CXXC5: variants seen among roughly 807,000 people sequenced by gnomAD.
The protein encoded by CXXC5 is CXXC finger protein 5.
CXXC5 carries 2 observed loss-of-function variants against 17.6 expected under a neutral mutation model. The ratio of observed to expected loss-of-function variants is 0.11; its 90% CI spans 0.05 to 0.36. The LOEUF is 0.36. Ranked by LOEUF, CXXC5 falls within the 10% of genes least tolerant of loss-of-function variation. The probability of loss-of-function intolerance (pLI) is 1.00; values close to 1 mark genes in which losing one functional copy is unlikely to be tolerated. For synonymous variants in CXXC5, 171 were observed against 193.0 expected, an observed-to-expected ratio of 0.89 and a Z score of 0.94; for missense variants, 343 against 458.3, an observed-to-expected ratio of 0.75 and a Z score of 2.30.
chr5:139,675,922 G>C (rs1430436369), intron 1 of CXXC5, among the ~76,000 whole-genome samples: 1 of 152,046 alleles, frequency 6.6e-6, no homozygotes, highest in Non-Finnish European at 1.5e-5. Context: ...CTAGAAGGGG[G>C]CAGGCTCCGT....
At position 139,658,292 on chromosome 5, in the gene CXXC5, A is replaced by C. The variant is rs1462001730; in HGVS notation, c.-161+9447A>C. On this transcript the variant is annotated intron_variant, in intron 1 of 2. Transcript: ENST00000302517. This position sits in a 1 kb window ranked among gnomAD's most constrained non-coding sequence, Gnocchi z 4.1. Reference sequence around the variant, plus strand: ...ATGCTTGGAATGGAGGCATTTTTCAAGTCAGGATTCTCGTTGGGATTCTGG... The same window carrying C: ...ATGCTTGGAATGGAGGCATTTTTCACGTCAGGATTCTCGTTGGGATTCTGG... 6.6e-6 allele frequency among the ~76,000 whole-genome samples: 1 copy of C among 152,200 alleles called. No homozygotes were observed. Among genetic ancestry groups the C allele is most frequent in the Non-Finnish European group, 1.5e-5 (1 of 68,032 alleles).
Position 139,681,262 on chromosome 5 carries a change from G to C in CXXC5, c.739G>C (p.Gly247Arg). 1.9e-6 allele frequency: 3 copies of C among 1,612,546 alleles called. No homozygotes were observed. Among genetic ancestry groups the C allele is most frequent in the Non-Finnish European group, 2.5e-6 (3 of 1,179,816 alleles). ...MAGLAEYPMQ[G>R]ELASAISSGK... ...GGGCCTGGCTGAGTACCCCATGCAG[G>C]GAGAGCTGGCCTCTGCCATCAGCTC... Residue 247 changes from glycine (G) to arginine (R), a missense_variant, in exon 2 of 3, where the codon GGA becomes CGA. By Grantham distance (125) the Gly-to-Arg change is moderately radical. Coordinates refer to ENST00000302517, the MANE Select transcript of CXXC5 (RefSeq NM_016463.9).
In CXXC5 at chr5:139,661,494, C is replaced by T. The variant is rs193253140; in HGVS notation, c.-161+12649C>T. ...TCCCATGTGGTGCTCCAGAAGCACA[C>T]TCACGGTTCCAGCCACAGCCCAGCC... On this transcript the variant is annotated intron_variant, in intron 1 of 2. Transcript: ENST00000302517. This position sits in a 1 kb window ranked among gnomAD's most constrained non-coding sequence, Gnocchi z 4.7. Among the ~76,000 whole-genome samples the T allele has an allele frequency of 1.7e-4, 26 of 152,326 alleles. No homozygotes were observed. Among genetic ancestry groups the T allele is most frequent in the Admixed American group, 1.6e-3 (24 of 15,312 alleles).
In CXXC5 at chr5:139,671,372, G is replaced by T. The variant is rs373973065; in HGVS notation, c.-160-8992G>T. ...ACTCCAGGCCCCCAGGGTCTCTAGA[G>T]TGGCCCTGGCCATCCCCTCTCTTCC... is the stretch of plus-strand genomic sequence containing the variant. On this transcript the variant is annotated intron_variant, in intron 1 of 2. Transcript: ENST00000302517. 5.9e-5 allele frequency among the ~76,000 whole-genome samples: 9 copies of T among 152,304 alleles called. No individual in the cohort carries two copies. In the South Asian group the frequency reaches 1.9e-3, roughly 32 times the overall value.
At chr5:139,673,659 T>C (rs1272221359) in intron 1 of CXXC5, among the ~76,000 whole-genome samples, 2 of 151,944 alleles carry the variant, frequency 1.3e-5, no homozygotes, top group Non-Finnish European at 2.9e-5. Context: ...CTGACCAACA[T>C]GGTGAAACTC....
chr5:139,681,953 G>A (rs1757261582), intron 2 of CXXC5, among the ~76,000 whole-genome samples: 1 of 152,218 alleles, frequency 6.6e-6, no homozygotes, highest in Non-Finnish European at 1.5e-5. Context: ...TTCCAGTGCT[G>A]GGTGCCCTGC....
intron 1 of CXXC5, among the ~76,000 whole-genome samples, chr5:139,653,548 A>G (rs1755323835): frequency 6.6e-6 from 1 of 152,136 alleles, no homozygotes; most frequent in South Asian, 2.1e-4. Flanking sequence ...GAGGATTCCC[A>G]GGAAAACTTC....
intron 1 of CXXC5, among the ~76,000 whole-genome samples, chr5:139,669,160 A>G (rs1247917562): frequency 6.6e-6 from 1 of 152,200 alleles, no homozygotes; most frequent in Non-Finnish European, 1.5e-5. Context: ...TTATATTAGC[A>G]GGTGGGATTT....
At chr5:139,677,594 C>G (rs601324) in intron 1 of CXXC5, among the ~76,000 whole-genome samples, 50,496 of 152,094 alleles carry the variant, frequency 0.33, 8,749 homozygotes, top group Middle Eastern at 0.45. Flanking sequence ...CGTGTACCCA[C>G]CTCCCTTCAA....
intron 1 of CXXC5, among the ~76,000 whole-genome samples, chr5:139,677,908 G>T (rs576692319): frequency 6.6e-6 from 1 of 152,240 alleles, no homozygotes; most frequent in Non-Finnish European, 1.5e-5. Context: ...TGCCCGCCCC[G>T]CACGCAGAGC....
At chr5:139,673,786 G>A (rs561671739) in intron 1 of CXXC5, among the ~76,000 whole-genome samples, 94 of 151,146 alleles carry the variant, frequency 6.2e-4, no homozygotes, top group African/African-American at 2.1e-3. Flanking sequence ...AGGTTGTGGT[G>A]AGCTGAGATC....
At chr5:139,662,471 G>A (rs1755876115) in intron 1 of CXXC5, among the ~76,000 whole-genome samples, 2 of 152,294 alleles carry the variant, frequency 1.3e-5, no homozygotes, top group East Asian at 1.9e-4. Flanking sequence ...TGAGAGAAGT[G>A]AGTCTGATGG....
Position 139,663,249 on chromosome 5 carries a change from C to G in CXXC5, c.-161+14404C>G, listed in dbSNP as rs552980769. 5.3e-5 allele frequency among the ~76,000 whole-genome samples: 8 copies of G among 152,302 alleles called. No individual in the cohort carries two copies. In the South Asian group the frequency reaches 1.7e-3, roughly 32 times the overall value. On this transcript the variant is annotated intron_variant, in intron 1 of 2. Coordinates refer to ENST00000302517, the MANE Select transcript of CXXC5 (RefSeq NM_016463.9). The surrounding 1 kb of genome is among the most constrained non-coding windows in gnomAD (Gnocchi z 4.2). ...GAGCCGACTGTAGTTTCAAGGCTTT[C>G]TCTGTCTCCCACCCCCTATGCTCAC...
intron 1 of CXXC5, among the ~76,000 whole-genome samples, chr5:139,673,012 C>T (rs1329051849): frequency 6.6e-6 from 1 of 152,164 alleles, no homozygotes; most frequent in Non-Finnish European, 1.5e-5. Flanking sequence ...TGAGGCCCAT[C>T]AGTAGGGAGG....
intron 1 of CXXC5, among the ~76,000 whole-genome samples, chr5:139,677,505 G>A (rs543425279): frequency 6.6e-6 from 1 of 152,190 alleles, no homozygotes; most frequent in East Asian, 1.9e-4. Context: ...GGCCGATTTG[G>A]AACAAGCTTG....
rs1757117971 is a variant in CXXC5, at chr5:139,680,470, C to G, written c.-54C>G. 2.0e-6 allele frequency: 3 copies of G among 1,509,966 alleles called. No individual in the cohort carries two copies. Among genetic ancestry groups the G allele is most frequent in the Non-Finnish European group, 2.6e-6 (3 of 1,133,048 alleles). 93.5% of individuals were successfully genotyped at this position (1,509,966 alleles called of 1,614,324 possible). Reference sequence around the variant, plus strand: ...GCAGGGCCAGGTCCTGGTCTGTGGACCCTCGGCAGTTGGCAGGCTCCCTCT... The same window carrying G: ...GCAGGGCCAGGTCCTGGTCTGTGGAGCCTCGGCAGTTGGCAGGCTCCCTCT... On this transcript the variant is annotated 5_prime_UTR_variant, in exon 2 of 3. Coordinates refer to ENST00000302517, the MANE Select transcript of CXXC5 (RefSeq NM_016463.9).
intron 1 of CXXC5, among the ~76,000 whole-genome samples, chr5:139,678,188 G>A (rs1043923919): frequency 6.6e-6 from 1 of 152,202 alleles, no homozygotes; most frequent in South Asian, 2.1e-4. Context: ...CTGACTTGAC[G>A]GTTTTTGTCC....
intron 1 of CXXC5, among the ~76,000 whole-genome samples, chr5:139,652,161 C>CGTGTGTGTGTGT (rs1485366571): frequency 5.5e-5 from 7 of 126,386 alleles, no homozygotes; most frequent in African/African-American, 9.6e-5. Flanking sequence ...CGCGCGCGCG[C>CGTGTGTGTGTGT]GCGCGCGCGC....
intron 1 of CXXC5, among the ~76,000 whole-genome samples, chr5:139,656,259 C>T (rs1755492846): frequency 6.6e-6 from 1 of 152,256 alleles, no homozygotes; most frequent in African/African-American, 2.4e-5. Context: ...AGCATCTTTC[C>T]AGGCCTTTCT....
Sources: gnomAD v4.1 joint callset for allele counts (sites outside exome capture counted in the v4.1 genomes callset) on GRCh38, gnomAD v4.1.1 for gene constraint, Gnocchi (gnomAD v3.1) non-coding constraint, MANE v1.5 for transcripts, NCBI Gene and HGNC (gene_info 2026-07-23, HGNC 2026-07-21) for gene names.